The following EXOC4 variants were observed in gnomAD, a reference collection of about 807,000 sequenced individuals.
EXOC4 encodes the protein SEC8-like 1.
In EXOC4, 71 loss-of-function variants were observed where a neutral mutation model predicts 107.2. That is an observed-to-expected ratio of 0.66 (90% CI 0.55 to 0.81). The LOEUF is 0.81. EXOC4 is among the 30% of genes least tolerant of loss of function. The probability of loss-of-function intolerance (pLI) is 0.00; values close to 1 mark genes in which losing one functional copy is unlikely to be tolerated. For synonymous variants in EXOC4, 456 were observed against 441.2 expected (o/e 1.03, Z -0.42); for missense variants, 1,108 against 1,189.6 (o/e 0.93, Z 1.01).
chr7:133,513,164 A>T (rs1799807310), intron 9 of EXOC4, among the ~76,000 whole-genome samples: 1 of 152,184 alleles, frequency 6.6e-6, no homozygotes, highest in Admixed American at 6.5e-5. Context: ...TGGTATTTTT[A>T]AAAATTTTTA....
At chr7:133,520,965 G>A (rs555989946) in intron 9 of EXOC4, among the ~76,000 whole-genome samples, 1 of 152,210 alleles carries the variant, frequency 6.6e-6, no homozygotes, top group Non-Finnish European at 1.5e-5. Flanking sequence ...GATTACTGTT[G>A]GTGATGATGT....
chr7:133,697,850 G>A (rs1794570745), intron 10 of EXOC4, among the ~76,000 whole-genome samples: 1 of 152,110 alleles, frequency 6.6e-6, no homozygotes, highest in Non-Finnish European at 1.5e-5. Flanking sequence ...GATACCAAAG[G>A]TGGGTGATTT....
intron 7 of EXOC4, among the ~76,000 whole-genome samples, chr7:133,403,263 G>A (rs992010806): frequency 6.6e-6 from 1 of 152,194 alleles, no homozygotes; most frequent in African/African-American, 2.4e-5. Context: ...ATATGCACAA[G>A]CATGCCTGCT....
chr7:133,486,461 A>G (rs965376096), intron 9 of EXOC4, among the ~76,000 whole-genome samples: 3 of 152,266 alleles, frequency 2.0e-5, no homozygotes, highest in East Asian at 1.9e-4. Context: ...TATTTTGTAT[A>G]GCAATATTAT....
intron 1 of EXOC4, among the ~76,000 whole-genome samples, chr7:133,272,917 T>TA (rs1793906045): frequency 6.6e-6 from 1 of 152,214 alleles, no homozygotes; most frequent in South Asian, 2.1e-4. Context: ...TCCTTAATGG[T>TA]AATTCTAACT....
chr7:133,625,781 T>A (rs1802438790), intron 9 of EXOC4, among the ~76,000 whole-genome samples: 1 of 152,138 alleles, frequency 6.6e-6, no homozygotes, highest in Non-Finnish European at 1.5e-5. Flanking sequence ...CAGCCATCCA[T>A]CATCATTCGA....
chr7:133,585,078 T>C (rs961061115), intron 9 of EXOC4, among the ~76,000 whole-genome samples: 3 of 152,240 alleles, frequency 2.0e-5, no homozygotes, highest in Non-Finnish European at 4.4e-5. Flanking sequence ...TCTGTGATAT[T>C]CAATTTTCCT....
Position 133,958,968 on chromosome 7 carries a change from C to A in EXOC4, c.2206+20899C>A, listed in dbSNP as rs192017842. On this transcript the variant is annotated intron_variant, in intron 14 of 17. Transcript: ENST00000253861. ...TGGCATCCAGGAATATAACTTCAGA[C>A]AAAAGACTAGAAAGTCTTTTCTGAA... Among the ~76,000 whole-genome samples the A allele has an allele frequency of 1.1e-3, 168 of 152,292 alleles. 1 individual carries two copies. The highest frequency in any genetic ancestry group is 3.1e-3 in the Admixed American group (48 of 15,308).
intron 14 of EXOC4, among the ~76,000 whole-genome samples, chr7:133,958,866 T>A (rs1208576672): frequency 6.6e-6 from 1 of 152,152 alleles, no homozygotes; most frequent in Non-Finnish European, 1.5e-5. Flanking sequence ...CATAGCTGAG[T>A]GTGAGGGCTG....
intron 12 of EXOC4, among the ~76,000 whole-genome samples, chr7:133,908,773 T>G (rs759142752): frequency 2.2e-4 from 33 of 152,258 alleles, no homozygotes; most frequent in Non-Finnish European, 4.3e-4. Flanking sequence ...TATTATTGAC[T>G]TTTAAATTAA....
At chr7:133,625,226 T>C (rs1802425604) in intron 9 of EXOC4, among the ~76,000 whole-genome samples, 1 of 152,206 alleles carries the variant, frequency 6.6e-6, no homozygotes. Flanking sequence ...TGTTTGGCAA[T>C]TCTAATGGAA....
At chr7:133,612,726 A>T (rs1802098591) in intron 9 of EXOC4, among the ~76,000 whole-genome samples, 1 of 152,174 alleles carries the variant, frequency 6.6e-6, no homozygotes, top group Non-Finnish European at 1.5e-5. Context: ...AGGTAGTAGC[A>T]GTGAGGGTGG....
In EXOC4 at chr7:133,755,269, T is replaced by TATATA. The variant is rs1795884849; in HGVS notation, c.1515-62052_1515-62051insAATAT. ...ATATATATATTATATATATATTATATATATTATATATATTATATACATATT... is the reference window on the plus strand; with the variant it reads ...ATATATATATTATATATATATTATATATATAATATTATATATATTATATACATATT... On this transcript the variant is annotated intron_variant, in intron 10 of 17. Coordinates refer to ENST00000253861, the MANE Select transcript of EXOC4 (RefSeq NM_021807.4). Among the ~76,000 whole-genome samples the TATATA allele has an allele frequency of 5.8e-5, 6 of 104,180 alleles. No homozygotes were observed. In the South Asian group the frequency reaches 1.3e-3, roughly 23 times the overall value. 68.3% of individuals were successfully genotyped at this position (104,180 alleles called of 152,430 possible). A position where few individuals can be genotyped will look rare whatever the true frequency, so the allele number is the denominator to read the frequency against.
At chr7:133,661,792 A>G (rs901101474) in intron 10 of EXOC4, among the ~76,000 whole-genome samples, 1 of 151,484 alleles carries the variant, frequency 6.6e-6, no homozygotes, top group African/African-American at 2.4e-5. Flanking sequence ...ATATGGCACC[A>G]TGCTTTATAG....
chr7:133,514,948 T>C (rs1392295418), intron 9 of EXOC4, among the ~76,000 whole-genome samples: 2 of 152,168 alleles, frequency 1.3e-5, no homozygotes, highest in Non-Finnish European at 2.9e-5. Flanking sequence ...TGAACTTTTT[T>C]GTTGCTACCA....
chr7:133,423,379 A>G (rs1322742057), intron 7 of EXOC4, among the ~76,000 whole-genome samples: 1 of 152,192 alleles, frequency 6.6e-6, no homozygotes, highest in Non-Finnish European at 1.5e-5. Flanking sequence ...CTGCTTAGAT[A>G]TTCTGTGTCG....
At chr7:133,292,813 C>G (rs1185294400) in intron 3 of EXOC4, among the ~76,000 whole-genome samples, 1 of 152,180 alleles carries the variant, frequency 6.6e-6, no homozygotes, top group Admixed American at 6.5e-5. Context: ...GTAGCTCATA[C>G]AGTCAGAGTT....
At chr7:133,643,932 C>T (rs755931629) in intron 10 of EXOC4, among the ~76,000 whole-genome samples, 8 of 152,056 alleles carry the variant, frequency 5.3e-5, no homozygotes, top group South Asian at 2.1e-4. Context: ...GTACAGTTAC[C>T]GTGGTAAAAG....
At chr7:133,454,724 C>T (rs1004466107) in intron 7 of EXOC4, among the ~76,000 whole-genome samples, 2 of 152,118 alleles carry the variant, frequency 1.3e-5, no homozygotes, top group Non-Finnish European at 2.9e-5. Flanking sequence ...AGTAGTCCTC[C>T]CTTATCCGTG....
Sources: allele counts gnomAD v4.1 joint callset (sites outside exome capture counted in the v4.1 genomes callset), GRCh38; gene constraint gnomAD v4.1.1; transcripts MANE v1.5; gene names NCBI Gene and HGNC (gene_info 2026-07-23, HGNC 2026-07-21).